TLN2: variants seen among roughly 807,000 people sequenced by gnomAD.
The protein encoded by TLN2 is talin-2.
A neutral mutation model predicts 294.7 loss-of-function variants in TLN2; 118 were observed. The ratio of observed to expected loss-of-function variants is 0.40; its 90% CI spans 0.34 to 0.47. TLN2 has a LOEUF of 0.47. Ranked by LOEUF, TLN2 falls within the 20% of genes least tolerant of loss-of-function variation. TLN2 has a pLI of 0.84. For synonymous variants in TLN2, 1,431 were observed against 1,304.5 expected (o/e 1.10, Z -2.09); for missense variants, 3,083 against 3,282.2 (o/e 0.94, Z 1.48).
chr15:62,640,852 A>C (rs1268987535), intron 3 of TLN2, among the ~76,000 whole-genome samples: 1 of 151,968 alleles, frequency 6.6e-6, no homozygotes, highest in Non-Finnish European at 1.5e-5. Context: ...CCCAGGCTGG[A>C]GTGCAGTGGC....
chr15:62,594,104 G>A (rs905578105), intron 2 of TLN2, among the ~76,000 whole-genome samples: 3 of 152,202 alleles, frequency 2.0e-5, no homozygotes, highest in Non-Finnish European at 4.4e-5. Context: ...GATAGTAATC[G>A]AAACAGCATG....
intron 30 of TLN2, among the ~76,000 whole-genome samples, chr15:62,738,953 A>C (rs2061172983): frequency 6.6e-6 from 1 of 152,230 alleles, no homozygotes; most frequent in African/African-American, 2.4e-5. Context: ...GTTTGAGAGC[A>C]TCTGCCTTTT....
At chr15:62,770,942 C>CTTTT (rs34815657) in intron 41 of TLN2, 22 bp from the exon 42 acceptor site, 60 of 1,462,974 alleles carry the variant, frequency 4.1e-5, no homozygotes, top group South Asian at 1.3e-4. Flanking sequence ...ACATCTCTGG[C>CTTTT]TTTTTTTTTT....
intron 27 of TLN2, among the ~76,000 whole-genome samples, chr15:62,726,709 A>T (rs1336656433): frequency 2.6e-5 from 4 of 152,162 alleles, no homozygotes; most frequent in Non-Finnish European, 5.9e-5. Flanking sequence ...TTTGTTGCAG[A>T]CTTTCTAAAT....
chr15:62,674,488 T>A (rs2055890527), intron 10 of TLN2, among the ~76,000 whole-genome samples: 1 of 149,182 alleles, frequency 6.7e-6, no homozygotes, highest in Non-Finnish European at 1.5e-5. Flanking sequence ...GGCGTGTATT[T>A]ACCCTATTCT....
intron 1 of TLN2, among the ~76,000 whole-genome samples, chr15:62,499,440 T>G (rs1344903015): frequency 6.6e-6 from 1 of 151,980 alleles, no homozygotes; most frequent in Non-Finnish European, 1.5e-5. Flanking sequence ...ACACAGTGTC[T>G]CCAAAAAAAT....
At chr15:62,835,013 G>C (rs2069335706) in intron 55 of TLN2, 1 of 152,152 alleles carries the variant, frequency 6.6e-6, no homozygotes, top group South Asian at 2.1e-4. Flanking sequence ...CTGACATTCA[G>C]CAATCCCTGA....
intron 54 of TLN2, chr15:62,828,335 C>G (rs551830004): frequency 5.3e-5 from 8 of 152,182 alleles, no homozygotes; most frequent in African/African-American, 1.4e-4. Flanking sequence ...CTGATGGGCA[C>G]CTGGCCAAAT....
intron 1 of TLN2, among the ~76,000 whole-genome samples, chr15:62,558,656 T>C (rs886705025): frequency 6.6e-6 from 1 of 152,250 alleles, no homozygotes; most frequent in African/African-American, 2.4e-5. Flanking sequence ...CTTTGAATTC[T>C]AGCTTATATA....
At chr15:62,824,915 G>A (rs1596136418) in intron 54 of TLN2, among the ~76,000 whole-genome samples, 2 of 152,194 alleles carry the variant, frequency 1.3e-5, no homozygotes, top group African/African-American at 4.8e-5. Flanking sequence ...TGTTTTGGAG[G>A]AGAAAAGGTG....
At chr15:62,611,178 T>G (rs2047884185) in intron 2 of TLN2, among the ~76,000 whole-genome samples, 2 of 152,186 alleles carry the variant, frequency 1.3e-5, no homozygotes, top group Non-Finnish European at 2.9e-5. Flanking sequence ...AAAGCCTCTT[T>G]ATATCCTCAT....
At chr15:62,620,621 G>A (rs1019430801) in intron 3 of TLN2, among the ~76,000 whole-genome samples, 1 of 151,820 alleles carries the variant, frequency 6.6e-6, no homozygotes, top group African/African-American at 2.4e-5. Context: ...GGGCACTACA[G>A]GAGTGTGCCA....
chr15:62,839,115 C>T, intron 58 of TLN2, 134 bp downstream of exon 58: 1 of 1,275,588 alleles, frequency 7.8e-7, no homozygotes, highest in Non-Finnish European at 1.1e-6. Flanking sequence ...GTGTTTCCTT[C>T]ATGTCTGAGA....
intron 12 of TLN2, among the ~76,000 whole-genome samples, chr15:62,691,080 T>C (rs921453710): frequency 1.3e-5 from 2 of 150,362 alleles, no homozygotes; most frequent in African/African-American, 4.9e-5. Flanking sequence ...GGGTATGGGC[T>C]TCTTAAGATT....
At chr15:62,810,227 C>T (rs1052489603) in intron 52 of TLN2, among the ~76,000 whole-genome samples, 195 bp downstream of exon 52, 1 of 152,084 alleles carries the variant, frequency 6.6e-6, no homozygotes, top group African/African-American at 2.4e-5. Context: ...GCGGTCTGGA[C>T]GAAGTTGCAG....
intron 27 of TLN2, 80 bp from the exon 28 acceptor site, chr15:62,727,007 T>C (rs1467742725): frequency 1.3e-5 from 18 of 1,436,220 alleles, no homozygotes; most frequent in Non-Finnish European, 1.6e-5. Context: ...TTGATCTGCA[T>C]GATTTTTCTA....
intron 50 of TLN2, among the ~76,000 whole-genome samples, chr15:62,802,279 C>T (rs888621638): frequency 6.6e-6 from 1 of 152,118 alleles, no homozygotes; most frequent in African/African-American, 2.4e-5. Context: ...CATGTTGTTG[C>T]TAATGATAGG....
intron 8 of TLN2, 148 bp from the exon 9 acceptor site, chr15:62,657,623 A>G (rs967083197): frequency 2.9e-5 from 36 of 1,221,164 alleles, no homozygotes; most frequent in East Asian, 5.5e-5. Flanking sequence ...TGCGGTGATC[A>G]TCCACTGTGT....
chr15:62,807,654 G>A (rs547616840), intron 51 of TLN2, among the ~76,000 whole-genome samples: 1 of 152,174 alleles, frequency 6.6e-6, no homozygotes, highest in African/African-American at 2.4e-5. Flanking sequence ...GTGCTCCCCT[G>A]TTTTCAGGGG....
Sources: gnomAD v4.1 joint callset for allele counts (sites outside exome capture counted in the v4.1 genomes callset) on GRCh38, gnomAD v4.1.1 for gene constraint, MANE v1.5 for transcripts, NCBI Gene and HGNC (gene_info 2026-07-23, HGNC 2026-07-21) for gene names.